The following NEDD1 variants were observed in gnomAD, a reference collection of about 807,000 sequenced individuals.
NEDD1 encodes the protein protein NEDD1.
In NEDD1, 33 loss-of-function variants were observed where a neutral mutation model predicts 74.0. The ratio of observed to expected loss-of-function variants is 0.45; its 90% CI spans 0.34 to 0.60. NEDD1 has a LOEUF of 0.60. Among genes scored for constraint, NEDD1 ranks in the 20% least tolerant of loss-of-function variants. The pLI, the probability that NEDD1 is intolerant of heterozygous loss-of-function variation, is 0.01. For synonymous variants in NEDD1, 250 were observed against 264.4 expected (o/e 0.95, Z 0.53); for missense variants, 746 against 776.5 (o/e 0.96, Z 0.47).
intron 3 of NEDD1, among the ~76,000 whole-genome samples, chr12:96,910,976 A>G (rs1873864135): frequency 6.6e-6 from 1 of 152,190 alleles, no homozygotes; most frequent in Non-Finnish European, 1.5e-5. Flanking sequence ...CTATTCTTGC[A>G]TGTATATAAC....
chr12:96,907,565 C>T (rs1021402549), intron 1 of NEDD1, 39 bp from the exon 2 acceptor site: 22 of 1,542,288 alleles, frequency 1.4e-5, no homozygotes, highest in Non-Finnish European at 1.8e-5. Flanking sequence ...ACAAGTCTGT[C>T]TCCTTTTTTG....
At chr12:96,948,810 T>C (rs931832935) in intron 14 of NEDD1, among the ~76,000 whole-genome samples, 2 of 152,228 alleles carry the variant, frequency 1.3e-5, no homozygotes, top group Admixed American at 6.5e-5. Flanking sequence ...GAGTATTCAC[T>C]GTCTTTTTTA....
Position 96,919,947 on chromosome 12 carries a change from T to A in NEDD1, c.349-38T>A, listed in dbSNP as rs201613446. On this transcript the variant is annotated intron_variant, in intron 5 of 15. Coordinates refer to ENST00000266742, the MANE Select transcript of NEDD1 (RefSeq NM_152905.4). Reference sequence around the variant, plus strand: ...ACATGAAAATGGGCTGTTCGAGGATTATGGGGCAGTGTACTTACTTTCATT... The same window carrying A: ...ACATGAAAATGGGCTGTTCGAGGATAATGGGGCAGTGTACTTACTTTCATT... 2.2e-4 allele frequency: 324 copies of A among 1,500,462 alleles called. 1 individual carries two copies. The highest frequency in any genetic ancestry group is 3.5e-4 in the South Asian group (29 of 82,726). The allele number at this position is 1,500,462 out of a possible 1,614,324, so 92.9% of individuals were successfully genotyped here.
At position 96,952,744 on chromosome 12, in the gene NEDD1, G is replaced by T. The variant is rs1237463350; in HGVS notation, c.*691G>T. ...TATAAAAAATGTTTAAGGTTCATAG[G>T]ACTCGACAAGAGCTATCTGGTGATT... is the stretch of plus-strand genomic sequence containing the variant. On this transcript the variant is annotated 3_prime_UTR_variant, in exon 16 of 16. Transcript: ENST00000266742. 6.6e-6 allele frequency: 1 copy of T among 151,600 alleles called. No individual in the cohort carries two copies. Among genetic ancestry groups the T allele is most frequent in the African/African-American group, 2.4e-5 (1 of 41,374 alleles). The allele number at this position is 151,600 out of a possible 1,614,324, so 9.4% of individuals were successfully genotyped here.
chr12:96,935,553 C>T (rs1023915800), intron 7 of NEDD1, among the ~76,000 whole-genome samples: 23 of 152,012 alleles, frequency 1.5e-4, no homozygotes, highest in African/African-American at 5.6e-4. Context: ...GGTTTAGAAA[C>T]GATTGACATT....
At chr12:96,941,440 T>G (rs1350016985) in intron 10 of NEDD1, among the ~76,000 whole-genome samples, 1 of 152,110 alleles carries the variant, frequency 6.6e-6, no homozygotes, top group Non-Finnish European at 1.5e-5. Flanking sequence ...GGCCTGCAAA[T>G]TTCTATTTAA....
chr12:96,948,637 G>A (rs772231055), intron 14 of NEDD1, among the ~76,000 whole-genome samples: 1 of 152,150 alleles, frequency 6.6e-6, no homozygotes, highest in Non-Finnish European at 1.5e-5. Context: ...GGAAATCTGT[G>A]CATCTGTTTC....
chr12:96,927,484 T>C (rs971113513), intron 6 of NEDD1, among the ~76,000 whole-genome samples: 1 of 152,230 alleles, frequency 6.6e-6, no homozygotes, highest in African/African-American at 2.4e-5. Context: ...TTAGCAAGTT[T>C]AGCATCTTAG....
chr12:96,923,500 A>T (rs1875336216), intron 6 of NEDD1, among the ~76,000 whole-genome samples: 1 of 152,150 alleles, frequency 6.6e-6, no homozygotes, highest in Non-Finnish European at 1.5e-5. Context: ...ATTTTTGCTA[A>T]TACTTGGCAT....
Position 96,952,226 on chromosome 12 carries a change from T to A in NEDD1, c.*173T>A, listed in dbSNP as rs1878779582. The A allele has an allele frequency of 4.2e-6, 2 of 474,274 alleles. No individual in the cohort carries two copies. Among genetic ancestry groups the A allele is most frequent in the South Asian group, 6.3e-5 (2 of 31,584 alleles). 29.4% of individuals were successfully genotyped at this position (474,274 alleles called of 1,614,324 possible). On this transcript the variant is annotated 3_prime_UTR_variant, in exon 16 of 16. Coordinates refer to ENST00000266742, the MANE Select transcript of NEDD1 (RefSeq NM_152905.4). Reference sequence around the variant, plus strand: ...TGTTTCATCTTAAAAATATGTATATTTTTATATTAAAAATTGTACAGTATG... The same window carrying A: ...TGTTTCATCTTAAAAATATGTATATATTTATATTAAAAATTGTACAGTATG...
In NEDD1 at chr12:96,944,553, C is replaced by T. The variant is rs576870312; in HGVS notation, c.1498-86C>T. The stretch of plus-strand genomic sequence containing the variant: ...ATTTCTATTAACCTACATACTGGGA[C>T]AAAAGAGAGAAGTAGGCAAAAATTA... On this transcript the variant is annotated intron_variant, in intron 12 of 15. Transcript: ENST00000266742. The T allele has an allele frequency of 5.5e-5, 39 of 702,906 alleles. No individual in the cohort carries two copies. In the African/African-American group the frequency reaches 6.8e-4, roughly 12 times the overall value. The allele number at this position is 702,906 out of a possible 1,614,324, so 43.5% of individuals were successfully genotyped here.
intron 13 of NEDD1, 80 bp downstream of exon 13, chr12:96,944,875 T>C (rs1470384363): frequency 1.0e-5 from 11 of 1,077,316 alleles, no homozygotes; most frequent in Admixed American, 8.1e-5. Context: ...AAAGGAGAAA[T>C]AGAGTAATCA....
Position 96,908,810 on chromosome 12 carries a change from G to T in NEDD1, c.-8-942G>T, listed in dbSNP as rs576165813. Among the ~76,000 whole-genome samples the T allele has an allele frequency of 9.8e-5, 15 of 152,290 alleles. No individual in the cohort carries two copies. The East Asian group carries it at 2.9e-3, about 29-fold the overall frequency. The stretch of plus-strand genomic sequence containing the variant: ...AGTTACTTATTAGTAGTTATTTGTT[G>T]TGAAACTGCTGTGTGCCAGGAATGT... On this transcript the variant is annotated intron_variant, in intron 2 of 15. Coordinates refer to ENST00000266742, the MANE Select transcript of NEDD1 (RefSeq NM_152905.4).
intron 14 of NEDD1, among the ~76,000 whole-genome samples, chr12:96,949,228 C>G (rs2136629107): frequency 6.6e-6 from 1 of 152,302 alleles, no homozygotes; most frequent in Admixed American, 6.5e-5. Context: ...CATGGCCCTT[C>G]AAGTCCTGGC....
intron 6 of NEDD1, among the ~76,000 whole-genome samples, chr12:96,928,480 G>A (rs1329712141): frequency 6.6e-6 from 1 of 151,874 alleles, no homozygotes; most frequent in Non-Finnish European, 1.5e-5. Context: ...TTCCTTTAAG[G>A]AGCTTAAGTG....
chr12:96,941,717 T>C (rs1020774980), intron 10 of NEDD1, among the ~76,000 whole-genome samples: 2 of 152,136 alleles, frequency 1.3e-5, no homozygotes, highest in Non-Finnish European at 2.9e-5. Flanking sequence ...AAATTCTCTT[T>C]AATAGTTTTT....
chr12:96,933,512 A>G (rs1876768198), intron 6 of NEDD1, among the ~76,000 whole-genome samples: 1 of 152,156 alleles, frequency 6.6e-6, no homozygotes, highest in Non-Finnish European at 1.5e-5. Context: ...AGATTTGACT[A>G]TTCAAGTGGA....
At chr12:96,937,419 A>T in intron 9 of NEDD1, 26 bp downstream of exon 9, 1 of 1,352,956 alleles carries the variant, frequency 7.4e-7, no homozygotes, top group Non-Finnish European at 9.9e-7. Flanking sequence ...ATATTGTTGG[A>T]GGGTTGGTTT....
In NEDD1 at chr12:96,907,257, A is replaced by C; in HGVS notation, c.-305A>C. 5 of 217,850 alleles carry C rather than the reference A, an allele frequency of 2.3e-5. No individual in the cohort carries two copies. The highest frequency in any genetic ancestry group is 2.7e-5 in the Non-Finnish European group (3 of 111,624). The allele number at this position is 217,850 out of a possible 1,614,324, so 13.5% of individuals were successfully genotyped here. On this transcript the variant is annotated 5_prime_UTR_variant, in exon 1 of 16. Transcript: ENST00000266742. Reference sequence around the variant, plus strand: ...CAGTCCAGGCGGGAGCCGGAAGCCCAGCGCGGAGCCGGCCGCGGCCCCCTG... The same window carrying C: ...CAGTCCAGGCGGGAGCCGGAAGCCCCGCGCGGAGCCGGCCGCGGCCCCCTG...
Sources: gnomAD v4.1 joint callset for allele counts (sites outside exome capture counted in the v4.1 genomes callset) on GRCh38, gnomAD v4.1.1 for gene constraint, MANE v1.5 for transcripts, NCBI Gene and HGNC (gene_info 2026-07-23, HGNC 2026-07-21) for gene names.